CLPB: variants seen among roughly 807,000 people sequenced by gnomAD.
The protein encoded by CLPB is mitochondrial disaggregase.
A neutral mutation model predicts 78.4 loss-of-function variants in CLPB; 40 were observed. The observed-to-expected ratio is 0.51, with a 90% CI of 0.40 to 0.66. The LOEUF (loss-of-function observed/expected upper bound fraction) is 0.66. Among genes scored for constraint, CLPB ranks in the 30% least tolerant of loss-of-function variants. The probability of loss-of-function intolerance (pLI) is 0.00; values close to 1 mark genes in which losing one functional copy is unlikely to be tolerated. For missense variants in CLPB, 780 were observed against 886.9 expected (o/e 0.88, Z 1.53); for synonymous variants, 333 against 348.0 (o/e 0.96, Z 0.48).
At chr11:72,428,804 C>T (rs533742828) in intron 2 of CLPB, 18 of 152,292 alleles carry the variant, frequency 1.2e-4, no homozygotes, top group African/African-American at 3.6e-4. Context: ...ACACATACAC[C>T]GTTAAGTTCA....
intron 7 of CLPB, 108 bp from the exon 8 acceptor site, chr11:72,308,712 C>A: frequency 9.9e-7 from 1 of 1,006,874 alleles, no homozygotes; most frequent in Non-Finnish European, 1.5e-6. Flanking sequence ...TACTGCTCTG[C>A]GCCCACTCAA....
chr11:72,341,844 TG>T (rs1950425739), intron 5 of CLPB, among the ~76,000 whole-genome samples: 1 of 152,152 alleles, frequency 6.6e-6, no homozygotes, highest in Non-Finnish European at 1.5e-5. Flanking sequence ...TTATAGGCAG[TG>T]GGAACTGCTG....
In CLPB at chr11:72,297,783, C is replaced by A. The variant is rs567559393; in HGVS notation, c.1330-2135G>T. 6.7e-4 allele frequency among the ~76,000 whole-genome samples: 102 copies of A among 151,972 alleles called. 2 individuals are homozygous for A. The highest frequency in any genetic ancestry group is 6.7e-3 in the Admixed American group (102 of 15,260). Reference sequence around the variant, plus strand: ...AGCTCATCCCTAAGGACTGGGTTCACACACTGCTATACTGGCCAGAGCAAT... The same window carrying A: ...AGCTCATCCCTAAGGACTGGGTTCAAACACTGCTATACTGGCCAGAGCAAT... On this transcript the variant is annotated intron_variant, in intron 11 of 15. Coordinates refer to ENST00000538039, the MANE Select transcript of CLPB (RefSeq NM_001258392.3).
chr11:72,361,725 G>A (rs1392017561), intron 4 of CLPB, among the ~76,000 whole-genome samples: 2 of 152,170 alleles, frequency 1.3e-5, no homozygotes, highest in South Asian at 2.1e-4. Flanking sequence ...AGCAGGAAAG[G>A]TGTAATCCAT....
At chr11:72,308,870 A>C (rs1483696396) in intron 7 of CLPB, among the ~76,000 whole-genome samples, 2 of 151,962 alleles carry the variant, frequency 1.3e-5, no homozygotes, top group Non-Finnish European at 2.9e-5. Flanking sequence ...TGCTAGGGAA[A>C]CTGAAAGGCG....
chr11:72,367,764 T>C lies in CLPB; in HGVS notation c.647-8756A>G, dbSNP rs1950971861. On this transcript the variant is annotated intron_variant, in intron 4 of 15. Transcript: ENST00000538039. The stretch of plus-strand genomic sequence containing the variant: ...GTAGCCCCTGAATCTAAAAGAAAAG[T>C]TGAAATAAAAATATTTGATACAAAA... Among the ~76,000 whole-genome samples, 5 of 152,020 alleles carry C rather than the reference T, an allele frequency of 3.3e-5. No homozygotes were observed. The South Asian group carries it at 1.0e-3, about 32-fold the overall frequency.
At chr11:72,399,540 CA>C (rs1234663214) in intron 3 of CLPB, among the ~76,000 whole-genome samples, 1 of 152,022 alleles carries the variant, frequency 6.6e-6, no homozygotes, top group Non-Finnish European at 1.5e-5. Context: ...TATTCAAAAC[CA>C]AATAAAATGT....
At chr11:72,410,527 C>T (rs1398920279) in intron 2 of CLPB, among the ~76,000 whole-genome samples, 5 of 152,318 alleles carry the variant, frequency 3.3e-5, no homozygotes, top group Non-Finnish European at 4.4e-5. Context: ...CTATTCTTAT[C>T]ACTTTCCAAT....
chr11:72,369,870 T>C (rs1368968217), intron 4 of CLPB, among the ~76,000 whole-genome samples: 1 of 152,186 alleles, frequency 6.6e-6, no homozygotes, highest in Non-Finnish European at 1.5e-5. Context: ...TCAGGGAAGA[T>C]GAATCTGAGA....
At chr11:72,403,786 T>C (rs1855629492) in intron 2 of CLPB, among the ~76,000 whole-genome samples, 1 of 152,082 alleles carries the variant, frequency 6.6e-6, no homozygotes, top group African/African-American at 2.4e-5. Context: ...ATTAAATAAA[T>C]TAACAAACAC....
chr11:72,330,663 G>A, intron 5 of CLPB, among the ~76,000 whole-genome samples: 1 of 152,230 alleles, frequency 6.6e-6, no homozygotes, highest in Non-Finnish European at 1.5e-5. Flanking sequence ...GGCAGACCCT[G>A]AATGAATGGG....
At chr11:72,328,039 A>G (rs1427430048) in intron 6 of CLPB, among the ~76,000 whole-genome samples, 1 of 152,226 alleles carries the variant, frequency 6.6e-6, no homozygotes, top group African/African-American at 2.4e-5. Flanking sequence ...CATTCTAGGC[A>G]CATGGTAGGA....
At chr11:72,357,961 G>A (rs567026568) in intron 5 of CLPB, among the ~76,000 whole-genome samples, 21 of 152,274 alleles carry the variant, frequency 1.4e-4, no homozygotes, top group African/African-American at 5.1e-4. Flanking sequence ...CACCAGAGGA[G>A]GCATGAACAG....
intron 3 of CLPB, among the ~76,000 whole-genome samples, chr11:72,394,437 C>T (rs2135056230): frequency 6.6e-6 from 1 of 152,268 alleles, no homozygotes; most frequent in Non-Finnish European, 1.5e-5. Context: ...ATAATGAACA[C>T]TGGATGCTCT....
chr11:72,417,433 A>T (rs1222250478), intron 2 of CLPB, among the ~76,000 whole-genome samples: 5 of 152,072 alleles, frequency 3.3e-5, no homozygotes, highest in Non-Finnish European at 5.9e-5. Flanking sequence ...ATCTAGGGGG[A>T]GAGGAGAATG....
Position 72,416,232 on chromosome 11 carries a change from C to A in CLPB, c.456-13180G>T, listed in dbSNP as rs1856017006. On this transcript the variant is annotated intron_variant, in intron 2 of 15. Transcript: ENST00000538039. Reference sequence around the variant, plus strand: ...TACTCCAACTGCCCAGAAAGTCTTTCTGCAAAGCTCCTTGTATACAAATAC... The same window carrying A: ...TACTCCAACTGCCCAGAAAGTCTTTATGCAAAGCTCCTTGTATACAAATAC... 2.0e-5 allele frequency among the ~76,000 whole-genome samples: 3 copies of A among 152,332 alleles called. No individual in the cohort carries two copies. In the South Asian group the frequency reaches 6.2e-4, roughly 32 times the overall value.
intron 11 of CLPB, among the ~76,000 whole-genome samples, chr11:72,297,813 T>A (rs1238480031): frequency 1.3e-5 from 2 of 152,054 alleles, no homozygotes; most frequent in Non-Finnish European, 2.9e-5. Context: ...AGCAATAACC[T>A]AGCAGCAATT....
chr11:72,428,781 A>G (rs1275709037), intron 2 of CLPB: 1 of 152,224 alleles, frequency 6.6e-6, no homozygotes, highest in Non-Finnish European at 1.5e-5. Flanking sequence ...TGTTCAGAAA[A>G]ATTGTCTGAA....
At chr11:72,354,654 C>A (rs554631698) in intron 5 of CLPB, 15 of 292,860 alleles carry the variant, frequency 5.1e-5, no homozygotes, top group African/African-American at 3.2e-4. Context: ...AGCCTTCCTG[C>A]TGATAAGCCA....
Sources: gnomAD v4.1 joint callset for allele counts (sites outside exome capture counted in the v4.1 genomes callset) on GRCh38, gnomAD v4.1.1 for gene constraint, MANE v1.5 for transcripts, NCBI Gene and HGNC (gene_info 2026-07-23, HGNC 2026-07-21) for gene names.